LDLRAD3: variants seen among roughly 807,000 people sequenced by gnomAD.
The protein encoded by LDLRAD3 is low density lipoprotein receptor class A domain containing 3, also known as low-density lipoprotein receptor class A domain-containing protein 3.
In LDLRAD3, 20 loss-of-function variants were observed where a neutral mutation model predicts 29.4. The observed-to-expected ratio is 0.68, with a 90% CI of 0.48 to 0.99. The LOEUF (loss-of-function observed/expected upper bound fraction) is 0.99, where lower values mean the gene tolerates loss of function less well. LDLRAD3 is among the 50% of genes least tolerant of loss of function. The probability of loss-of-function intolerance (pLI) is 0.00; values close to 1 mark genes in which losing one functional copy is unlikely to be tolerated. For missense variants in LDLRAD3, 420 were observed against 454.3 expected, an observed-to-expected ratio of 0.92 and a Z score of 0.69; for synonymous variants, 157 against 192.7, an observed-to-expected ratio of 0.81 and a Z score of 1.53.
intron 4 of LDLRAD3, among the ~76,000 whole-genome samples, chr11:36,144,448 G>A (rs1328043555): frequency 6.8e-6 from 1 of 147,082 alleles, no homozygotes; most frequent in Admixed American, 6.7e-5. Context: ...AGTGAGGAGT[G>A]TCTCTGCCCG....
At position 36,083,034 on chromosome 11, in the gene LDLRAD3, G is replaced by T. The variant is rs188105086; in HGVS notation, c.319+1256G>T. Among the ~76,000 whole-genome samples the T allele has an allele frequency of 3.5e-3, 534 of 152,272 alleles. 2 individuals carry two copies. Among genetic ancestry groups the T allele is most frequent in the Non-Finnish European group, 6.1e-3 (418 of 68,014 alleles). ...ATAAAAGACTTTATGTTTTAGAGGG[G>T]TTTGAGGTTCACAGCAAAACTGAGA... On this transcript the variant is annotated intron_variant, in intron 3 of 5. Coordinates refer to ENST00000315571, the MANE Select transcript of LDLRAD3 (RefSeq NM_174902.4).
intron 1 of LDLRAD3, among the ~76,000 whole-genome samples, chr11:35,986,932 A>C (rs1447412147): frequency 6.6e-6 from 1 of 152,228 alleles, no homozygotes; most frequent in Non-Finnish European, 1.5e-5. Context: ...TGAGCTCTTC[A>C]AAGTCAAGGG....
chr11:35,950,067 C>T (rs928107270), intron 1 of LDLRAD3, among the ~76,000 whole-genome samples: 1 of 152,174 alleles, frequency 6.6e-6, no homozygotes, highest in Non-Finnish European at 1.5e-5. Flanking sequence ...CAGGGGTAGG[C>T]GAAGCCATGT....
intron 1 of LDLRAD3, among the ~76,000 whole-genome samples, chr11:35,965,611 A>G (rs965458550): frequency 1.3e-5 from 2 of 152,186 alleles, no homozygotes; most frequent in Non-Finnish European, 2.9e-5. Flanking sequence ...GAAGATAGGA[A>G]TGGGTAAAAA....
chr11:35,977,896 A>G (rs1851495175), intron 1 of LDLRAD3, among the ~76,000 whole-genome samples: 1 of 152,180 alleles, frequency 6.6e-6, no homozygotes, highest in Admixed American at 6.5e-5. Flanking sequence ...TACATTGGGA[A>G]TTAGATTTAA....
intron 4 of LDLRAD3, among the ~76,000 whole-genome samples, chr11:36,167,159 G>A (rs1333129342): frequency 6.6e-6 from 1 of 152,166 alleles, no homozygotes; most frequent in Non-Finnish European, 1.5e-5. Context: ...CAGCAAGCTG[G>A]AGACCAAGAG....
intron 3 of LDLRAD3, among the ~76,000 whole-genome samples, chr11:36,090,200 G>A (rs898569013): frequency 6.6e-6 from 1 of 152,144 alleles, no homozygotes; most frequent in Non-Finnish European, 1.5e-5. Flanking sequence ...ATCATAAGAA[G>A]TTGAGAATAT....
At chr11:36,099,356 A>G (rs552663286) in intron 4 of LDLRAD3, among the ~76,000 whole-genome samples, 1 of 152,326 alleles carries the variant, frequency 6.6e-6, no homozygotes, top group Non-Finnish European at 1.5e-5. Context: ...TTTAAAATGC[A>G]CATCTGTTTT....
rs945680672 is a variant in LDLRAD3 at position 36,229,931 on chromosome 11, A to G, written c.*534A>G. On this transcript the variant is annotated 3_prime_UTR_variant, in exon 6 of 6. Transcript: ENST00000315571. ...CTATTTGATGCCCCCAGTTCAGCAG[A>G]GTCAGTGGCCAAAGAAAACTTTGGA... The G allele has an allele frequency of 6.5e-6, 1 of 152,856 alleles. No individual in the cohort carries two copies. The highest frequency in any genetic ancestry group is 1.5e-5 in the Non-Finnish European group (1 of 68,540). The allele number at this position is 152,856 out of a possible 1,614,324, so 9.5% of individuals were successfully genotyped here. A position where few individuals can be genotyped will look rare whatever the true frequency, so the allele number is the denominator to read the frequency against.
At chr11:36,100,100 G>A (rs1393112210) in intron 4 of LDLRAD3, among the ~76,000 whole-genome samples, 2 of 151,984 alleles carry the variant, frequency 1.3e-5, no homozygotes, top group Non-Finnish European at 2.9e-5. Flanking sequence ...TTCAGGCCCC[G>A]TTCTAGATCA....
chr11:36,136,950 C>T (rs1854013300), intron 4 of LDLRAD3, among the ~76,000 whole-genome samples: 1 of 152,178 alleles, frequency 6.6e-6, no homozygotes, highest in Non-Finnish European at 1.5e-5. Context: ...CTCAGCCTCC[C>T]AAAGTGCTGG....
intron 4 of LDLRAD3, among the ~76,000 whole-genome samples, chr11:36,133,634 C>T (rs1264413429): frequency 3.3e-5 from 5 of 149,548 alleles, no homozygotes; most frequent in East Asian, 2.0e-4. Flanking sequence ...CCTGGGTTCA[C>T]GCCATTCTCC....
Position 36,098,466 on chromosome 11 carries a change from G to A in LDLRAD3, c.454+5G>A. ...AAAGCTGTGAAAGTTCTCAAGGTAG[G>A]AACCTCTCAAGCTCTAAAAAGATAA... On this transcript the variant is annotated splice_donor_5th_base_variant and intron_variant, in intron 4 of 5. Transcript: ENST00000315571. The A allele has an allele frequency of 6.2e-7, 1 of 1,614,136 alleles. No individual in the cohort carries two copies.
intron 4 of LDLRAD3, among the ~76,000 whole-genome samples, chr11:36,184,357 A>G (rs1333726660): frequency 6.6e-6 from 1 of 152,172 alleles, no homozygotes; most frequent in Non-Finnish European, 1.5e-5. Context: ...ATGTTCATGA[A>G]ATTTAGTAAT....
At chr11:36,008,148 G>A (rs1436541747) in intron 1 of LDLRAD3, among the ~76,000 whole-genome samples, 2 of 152,046 alleles carry the variant, frequency 1.3e-5, no homozygotes, top group Non-Finnish European at 2.9e-5. Flanking sequence ...TTATCATTAG[G>A]GCCATTTTTA....
intron 2 of LDLRAD3, among the ~76,000 whole-genome samples, chr11:36,066,120 T>C (rs963728663): frequency 6.6e-6 from 1 of 152,168 alleles, no homozygotes; most frequent in African/African-American, 2.4e-5. Context: ...TCATTCAGAC[T>C]TGAAAACTGT....
intron 4 of LDLRAD3, among the ~76,000 whole-genome samples, chr11:36,140,710 C>T (rs1023657029): frequency 1.3e-5 from 2 of 152,190 alleles, no homozygotes; most frequent in South Asian, 2.1e-4. Flanking sequence ...CGTGAGCCAC[C>T]GTGCCTGACG....
chr11:36,041,292 C>T (rs1017099596), intron 2 of LDLRAD3, among the ~76,000 whole-genome samples: 6 of 152,140 alleles, frequency 3.9e-5, no homozygotes, highest in African/African-American at 1.2e-4. Flanking sequence ...TATTAGTAAC[C>T]GGCTGGTGTC....
chr11:35,951,287 A>C (rs1299390435), intron 1 of LDLRAD3, among the ~76,000 whole-genome samples: 1 of 152,162 alleles, frequency 6.6e-6, no homozygotes, highest in East Asian at 1.9e-4. Context: ...AATTATATAC[A>C]GGTACACACA....
Sources: allele counts gnomAD v4.1 joint callset (sites outside exome capture counted in the v4.1 genomes callset), GRCh38; gene constraint gnomAD v4.1.1; transcripts MANE v1.5; gene names NCBI Gene and HGNC (gene_info 2026-07-23, HGNC 2026-07-21).